Variants in LOC400499 observed in about 807,000 individuals in gnomAD.
At chr16:11,400,424 G>A in the LOC400499 span, among the ~76,000 whole-genome samples, 280 of 13,640 alleles carry the variant, frequency 0.021, 2 homozygotes, top group African/African-American at 0.075. Context: ...ACCCAGTCAC[G>A]CTCAGTCTCA....
chr16:11,468,145 C>A, the LOC400499 span, among the ~76,000 whole-genome samples: 3 of 152,098 alleles, frequency 2.0e-5, no homozygotes, highest in East Asian at 5.8e-4. Context: ...ACCTTGATTT[C>A]AGACTCCTGG....
At chr16:11,384,710 T>G in the LOC400499 span, among the ~76,000 whole-genome samples, 1 of 152,102 alleles carries the variant, frequency 6.6e-6, no homozygotes, top group Non-Finnish European at 1.5e-5. Context: ...CATCTGGACA[T>G]GGGGTCAATG....
chr16:11,406,045 G>A, the LOC400499 span, among the ~76,000 whole-genome samples: 1 of 152,194 alleles, frequency 6.6e-6, no homozygotes, highest in South Asian at 2.1e-4. Context: ...GATTGAGGGG[G>A]TCAGTGTGCA....
the LOC400499 span, chr16:11,385,320 T>C: frequency 8.1e-7 from 1 of 1,232,268 alleles, no homozygotes; most frequent in Non-Finnish European, 1.0e-6. Context: ...GTGAGCAAAG[T>C]CCTGGGCCAG....
At chr16:11,386,767 G>A in the LOC400499 span, among the ~76,000 whole-genome samples, 1 of 152,214 alleles carries the variant, frequency 6.6e-6, no homozygotes, top group Admixed American at 6.5e-5. Context: ...CCACAAGCAA[G>A]CTCCCCAGCC....
chr16:11,517,118 A>G, the LOC400499 span, among the ~76,000 whole-genome samples: 2 of 152,074 alleles, frequency 1.3e-5, no homozygotes, highest in Non-Finnish European at 2.9e-5. Flanking sequence ...CTCTCATCCT[A>G]AGAGAGGATG....
chr16:11,442,799 C>T, the LOC400499 span, among the ~76,000 whole-genome samples: 6,220 of 152,286 alleles, frequency 0.041, 167 homozygotes, highest in Non-Finnish European at 0.063. Context: ...GCTCTGCAAT[C>T]TCTGGTTTAA....
chr16:11,478,776 A>G, the LOC400499 span: 118,861 of 397,826 alleles, frequency 0.3, 19,732 homozygotes, highest in African/African-American at 0.51. Flanking sequence ...ATCTCATCTC[A>G]TAGCTCCCAT....
chr16:11,430,977 C>T, the LOC400499 span: 1 of 398,698 alleles, frequency 2.5e-6, no homozygotes, highest in Non-Finnish European at 4.4e-6. Flanking sequence ...AATGAATCTA[C>T]CTTGCAGTTC....
the LOC400499 span, chr16:11,514,337 C>CACCAGGGA: frequency 2.5e-6 from 1 of 399,110 alleles, no homozygotes; most frequent in African/African-American, 2.1e-5. Flanking sequence ...AGGGGGTGGC[C>CACCAGGGA]ACCAGGGAAG....
At chr16:11,398,033 G>A in the LOC400499 span, among the ~76,000 whole-genome samples, 287 of 152,274 alleles carry the variant, frequency 1.9e-3, no homozygotes, top group South Asian at 5.8e-3. Context: ...CCTCTCCTCT[G>A]GGGTAATGAT....
chr16:11,475,954 T>C, the LOC400499 span, among the ~76,000 whole-genome samples: 2 of 151,238 alleles, frequency 1.3e-5, no homozygotes, highest in Admixed American at 1.3e-4. Flanking sequence ...GGCACAGGGC[T>C]GTCTCGGGGA....
At chr16:11,435,316 A>G in the LOC400499 span, among the ~76,000 whole-genome samples, 1 of 151,820 alleles carries the variant, frequency 6.6e-6, no homozygotes, top group Non-Finnish European at 1.5e-5. Context: ...GTCTTGCTAT[A>G]TTGTGCAAGC....
At chr16:11,478,879 C>T in the LOC400499 span, among the ~76,000 whole-genome samples, 1 of 152,102 alleles carries the variant, frequency 6.6e-6, no homozygotes, top group Non-Finnish European at 1.5e-5. Flanking sequence ...GTGAATGGGG[C>T]TCAGGAGATT....
chr16:11,447,618 G>A, the LOC400499 span, among the ~76,000 whole-genome samples: 2 of 152,006 alleles, frequency 1.3e-5, no homozygotes, highest in Admixed American at 6.6e-5. Context: ...TCCTAACCTC[G>A]TGCTGTTCCC....
At chr16:11,467,899 G>A in the LOC400499 span, among the ~76,000 whole-genome samples, 1 of 152,200 alleles carries the variant, frequency 6.6e-6, no homozygotes. Flanking sequence ...CTGAGGTGAT[G>A]AGGGTGAACC....
At chr16:11,475,546 G>C in the LOC400499 span, 2 of 397,736 alleles carry the variant, frequency 5.0e-6, no homozygotes, top group African/African-American at 4.1e-5. Flanking sequence ...AGCAACTCTG[G>C]GATCTGGAGC....
the LOC400499 span, chr16:11,471,667 G>T: frequency 2.0e-5 from 8 of 399,062 alleles, no homozygotes; most frequent in Non-Finnish European, 3.1e-5. Context: ...GGGCTGCAGG[G>T]TATAGGCAGC....
chr16:11,408,826 C>T, the LOC400499 span, among the ~76,000 whole-genome samples: 9 of 151,490 alleles, frequency 5.9e-5, no homozygotes, highest in Non-Finnish European at 1.0e-4. Flanking sequence ...CTGCAACTTA[C>T]TTTGAAATGT....
Sources: gnomAD v4.1 joint callset for allele counts (sites outside exome capture counted in the v4.1 genomes callset) on GRCh38, gnomAD v4.1.1 for gene constraint, MANE v1.5 for transcripts.